The following NINL variants were observed in gnomAD, a reference collection of about 807,000 sequenced individuals.
NINL encodes the protein ninein like.
Under a neutral mutation model 160.3 loss-of-function variants are expected in NINL, and 153 were observed. The observed-to-expected ratio is 0.95, with a 90% CI of 0.84 to 1.09. The LOEUF (loss-of-function observed/expected upper bound fraction) is 1.09, where lower values mean the gene tolerates loss of function less well. Among genes scored for constraint, NINL ranks in the 50% least tolerant of loss-of-function variants. The probability of loss-of-function intolerance (pLI) is 0.00; values close to 1 mark genes in which losing one functional copy is unlikely to be tolerated. For synonymous variants in NINL, 800 were observed against 734.8 expected (o/e 1.09, Z -1.43); for missense variants, 1,829 against 1,764.0 (o/e 1.04, Z -0.66).
chr20:25,571,019 T>C (rs1446743455), intron 1 of NINL, among the ~76,000 whole-genome samples: 1 of 152,014 alleles, frequency 6.6e-6, no homozygotes, highest in East Asian at 1.9e-4. Flanking sequence ...TAGATGTTAT[T>C]ATTCTGAAAA....
chr20:25,585,281 C>T (rs1029052595), intron 1 of NINL, among the ~76,000 whole-genome samples, 174 bp downstream of exon 1: 3 of 152,186 alleles, frequency 2.0e-5, no homozygotes, highest in African/African-American at 4.8e-5. Context: ...ACCGGAAGAG[C>T]AGGCACCACA....
intron 7 of NINL, among the ~76,000 whole-genome samples, chr20:25,501,441 C>A (rs1454812092): frequency 6.6e-6 from 1 of 152,178 alleles, no homozygotes; most frequent in African/African-American, 2.4e-5. Flanking sequence ...GAAAAGAAAC[C>A]CAAGGCAGGC....
Position 25,453,413 on chromosome 20 carries a change from G to A in NINL, c.*38C>T, listed in dbSNP as rs754855181. 3 of 1,541,786 alleles carry A rather than the reference G, an allele frequency of 1.9e-6. No homozygotes were observed. The highest frequency in any genetic ancestry group is 2.6e-6 in the Non-Finnish European group (3 of 1,135,136). The stretch of plus-strand genomic sequence containing the variant: ...GGCAGCACAGTGGCTTAATTTAAAA[G>A]ATGTGCTTTCGAATGAATCCTAGAA... On this transcript the variant is annotated 3_prime_UTR_variant, in exon 24 of 24. Coordinates refer to ENST00000278886, the MANE Select transcript of NINL (RefSeq NM_025176.6).
intron 13 of NINL, 57 bp downstream of exon 13, chr20:25,489,187 G>A (rs542475043): frequency 2.6e-5 from 39 of 1,490,798 alleles, no homozygotes; most frequent in East Asian, 4.5e-5. Flanking sequence ...GACCACCTGC[G>A]TGTGGAGACC....
At chr20:25,542,299 C>A (rs1258073324) in intron 1 of NINL, among the ~76,000 whole-genome samples, 1 of 152,142 alleles carries the variant, frequency 6.6e-6, no homozygotes, top group African/African-American at 2.4e-5. Context: ...TGTCAGGTCA[C>A]TGGCTGACTG....
intron 13 of NINL, among the ~76,000 whole-genome samples, chr20:25,485,669 C>G (rs1278878805): frequency 1.3e-5 from 2 of 152,156 alleles, no homozygotes; most frequent in Admixed American, 6.6e-5. Context: ...AACATTTACT[C>G]CCATTTGTGT....
chr20:25,498,368 A>G, intron 8 of NINL, 22 bp from the exon 9 acceptor site: 1 of 1,611,196 alleles, frequency 6.2e-7, no homozygotes, highest in South Asian at 1.1e-5. Flanking sequence ...AAGCCTGGTA[A>G]GCAGGAGAGG....
In NINL at chr20:25,462,432, T is replaced by C. The variant is rs2062815252; in HGVS notation, c.3533A>G (p.Gln1178Arg). 8.1e-6 allele frequency: 13 copies of C among 1,614,056 alleles called. No individual in the cohort carries two copies. The highest frequency in any genetic ancestry group is 1.1e-5 in the Non-Finnish European group (13 of 1,180,044). ...AQNEEHRVTI[Q>R]MLTQSLEEVV... ...CTCCTCCAGGCTCTGTGTTAACATC[T>C]GAATGGTCACACGATGCTCCTCGTT... Residue 1178 changes from glutamine (Q) to arginine (R), a missense_variant, in exon 20 of 24, where the codon CAG (glutamine) becomes CGG (arginine). Coordinates refer to ENST00000278886, the MANE Select transcript of NINL (RefSeq NM_025176.6).
At chr20:25,498,498 G>A in intron 8 of NINL, 152 bp from the exon 9 acceptor site, 1 of 1,026,954 alleles carries the variant, frequency 9.7e-7, no homozygotes, top group South Asian at 1.6e-5. Context: ...GCGTCTTGAG[G>A]GGTGCTCCTC....
In NINL at chr20:25,482,098, G is replaced by C. The variant is rs2063402053; in HGVS notation, c.1680C>G (p.Asp560Glu). 6.3e-7 allele frequency: 1 copy of C among 1,595,844 alleles called. No individual in the cohort carries two copies. The highest frequency in any genetic ancestry group is 1.7e-5 in the Admixed American group (1 of 59,908). The part of the protein sequence containing the change: ...VLKEYELKCR[D>E]LQDRNDELQA... The stretch of plus-strand genomic sequence containing the variant: ...GCAGCTCATCGTTGCGGTCCTGCAG[G>C]TCCTGTGGGGACAGAGCCAGCCACC... Residue 560 changes from aspartate (D) to glutamate (E), a missense_variant and splice_region_variant, in exon 14 of 24, where the codon GAC becomes GAG. Coordinates refer to ENST00000278886, the MANE Select transcript of NINL (RefSeq NM_025176.6).
At chr20:25,474,725 C>T (rs949111743) in intron 17 of NINL, among the ~76,000 whole-genome samples, 4 of 151,784 alleles carry the variant, frequency 2.6e-5, no homozygotes, top group African/African-American at 9.7e-5. Context: ...AGCGATTCTC[C>T]TGCCTCAGCC....
intron 10 of NINL, among the ~76,000 whole-genome samples, chr20:25,494,780 A>G (rs1331264002): frequency 6.6e-6 from 1 of 152,204 alleles, no homozygotes; most frequent in Non-Finnish European, 1.5e-5. Flanking sequence ...CTGGCCTTAG[A>G]GCTGGCCCCG....
chr20:25,501,053 C>A, intron 7 of NINL, 43 bp from the exon 8 acceptor site: 1 of 1,591,250 alleles, frequency 6.3e-7, no homozygotes, highest in South Asian at 1.2e-5. Flanking sequence ...CGTCCAAAGC[C>A]TCACGCCTGT....
intron 1 of NINL, among the ~76,000 whole-genome samples, chr20:25,583,985 C>T (rs898562657): frequency 6.6e-5 from 10 of 150,902 alleles, no homozygotes; most frequent in African/African-American, 2.2e-4. Flanking sequence ...CCTGTCGGGG[C>T]GGGTGGGGGG....
rs114793751 is a variant in NINL, at chr20:25,548,110, T to C, written c.-11-21512A>G. Among the ~76,000 whole-genome samples, 989 of 152,276 alleles carry C rather than the reference T, an allele frequency of 6.5e-3. 11 individuals are homozygous for C. Among genetic ancestry groups the C allele is most frequent in the African/African-American group, 0.02 (825 of 41,550 alleles). On this transcript the variant is annotated intron_variant, in intron 1 of 23. Coordinates refer to ENST00000278886, the MANE Select transcript of NINL (RefSeq NM_025176.6). ...CCAAGGTTCCTGCCCTGTCCCTCCTTGCCATGGGGGCACATTTAAGGATGG... is the reference window on the plus strand; with the variant it reads ...CCAAGGTTCCTGCCCTGTCCCTCCTCGCCATGGGGGCACATTTAAGGATGG...
chr20:25,475,993 T>G (rs1289489320), intron 17 of NINL, 50 bp downstream of exon 17: 1 of 1,565,768 alleles, frequency 6.4e-7, no homozygotes, highest in African/African-American at 1.4e-5. Flanking sequence ...GGGTTAGTTC[T>G]GCATTTTTAG....
chr20:25,577,773 G>T (rs187446856), intron 1 of NINL, among the ~76,000 whole-genome samples: 1 of 152,160 alleles, frequency 6.6e-6, no homozygotes, highest in East Asian at 1.9e-4. Flanking sequence ...AGAAGCTCGG[G>T]GCTTACTACT....
chr20:25,498,497 G>A (rs890666600), intron 8 of NINL, 151 bp from the exon 9 acceptor site: 18 of 1,028,788 alleles, frequency 1.7e-5, no homozygotes, highest in Non-Finnish European at 2.5e-5. Context: ...TGCGTCTTGA[G>A]GGGTGCTCCT....
intron 1 of NINL, among the ~76,000 whole-genome samples, chr20:25,537,927 T>C (rs2064588996): frequency 6.6e-6 from 1 of 152,214 alleles, no homozygotes; most frequent in African/African-American, 2.4e-5. Flanking sequence ...GCACTCTTGC[T>C]GCTCGGTCTC....
Sources: gnomAD v4.1 joint callset for allele counts (sites outside exome capture counted in the v4.1 genomes callset) on GRCh38, gnomAD v4.1.1 for gene constraint, MANE v1.5 for transcripts, NCBI Gene and HGNC (gene_info 2026-07-23, HGNC 2026-07-21) for gene names.